FOXK2: variants seen among roughly 807,000 people sequenced by gnomAD.
FOXK2 encodes the protein forkhead box K2, also known as forkhead box protein K2.
A neutral mutation model predicts 53.3 loss-of-function variants in FOXK2; 24 were observed. The observed-to-expected ratio is 0.45, with a 90% CI of 0.33 to 0.63. The LOEUF (loss-of-function observed/expected upper bound fraction) is 0.63. FOXK2 is among the 30% of genes least tolerant of loss of function. The pLI, the probability that FOXK2 is intolerant of heterozygous loss-of-function variation, is 0.03. For missense variants in FOXK2, 952 were observed against 910.5 expected, an observed-to-expected ratio of 1.05 and a Z score of -0.59; for synonymous variants, 505 against 407.1, an observed-to-expected ratio of 1.24 and a Z score of -2.89.
intron 1 of FOXK2, among the ~76,000 whole-genome samples, chr17:82,537,643 G>C (rs973006968): frequency 8.3e-6 from 1 of 120,808 alleles, no homozygotes; most frequent in African/African-American, 3.0e-5. Context: ...AAAAAAAAAA[G>C]GCCAGGCACA....
In FOXK2 at chr17:82,582,740, G is replaced by T; in HGVS notation, c.910-1G>T. The T allele has an allele frequency of 6.4e-7, 1 of 1,563,896 alleles. No homozygotes were observed. Among genetic ancestry groups the T allele is most frequent in the Non-Finnish European group, 8.6e-7 (1 of 1,159,002 alleles). ...TCTACGTATTTTTTTATGTTTCATA[G>T]AATTCAATTCGCCACAATCTCTCTC... On this transcript the variant is annotated splice_acceptor_variant, in intron 4 of 8. Transcript: ENST00000335255. LOFTEE classifies it high-confidence loss of function.
intron 1 of FOXK2, among the ~76,000 whole-genome samples, chr17:82,532,908 T>C (rs2044485921): frequency 6.6e-6 from 1 of 152,228 alleles, no homozygotes; most frequent in African/African-American, 2.4e-5. Context: ...AGCTTTTTTC[T>C]GTTTGTAAAA....
At chr17:82,586,759 G>T (rs897386311) in intron 7 of FOXK2, among the ~76,000 whole-genome samples, 1 of 152,078 alleles carries the variant, frequency 6.6e-6, no homozygotes, top group African/African-American at 2.4e-5. Context: ...AAATCAGCTG[G>T]GCATGGTGGC....
At chr17:82,561,843 C>T (rs933462368) in intron 1 of FOXK2, among the ~76,000 whole-genome samples, 5 of 151,972 alleles carry the variant, frequency 3.3e-5, no homozygotes, top group Admixed American at 6.5e-5. Flanking sequence ...ATGGCGTAGC[C>T]TCCGACCTCC....
At chr17:82,581,878 TAGAA>T (rs1162562872) in intron 4 of FOXK2, among the ~76,000 whole-genome samples, 2 of 152,114 alleles carry the variant, frequency 1.3e-5, no homozygotes, top group Non-Finnish European at 2.9e-5. Context: ...CTTTTTGTAA[TAGAA>T]AGAATGATGC....
chr17:82,568,184 G>A lies in FOXK2; in HGVS notation c.745G>A (p.Gly249Ser), dbSNP rs1263250708. 1 of 1,612,764 alleles carries A rather than the reference G, an allele frequency of 6.2e-7. No individual in the cohort carries two copies. The highest frequency in any genetic ancestry group is 1.3e-5 in the African/African-American group (1 of 74,892). ...GCCTGAAAATGAAAAGGAAGCTTCA[G>A]GTGGAGACAGCCCGAAGGTAAAGGC... ...SQPENEKEAS[G>S]GDSPKDDSKP... Residue 249 changes from glycine to serine, a missense_variant, in exon 3 of 9, where the codon GGT (glycine) becomes AGT (serine). Gly to Ser is a moderately conservative substitution (Grantham distance 56). This residue lies in a region of FOXK2 where 160 missense variants were observed against 214.2 expected (regional missense o/e 0.75). Transcript: ENST00000335255.
intron 5 of FOXK2, among the ~76,000 whole-genome samples, chr17:82,583,236 G>T (rs56287631): frequency 0.015 from 2,231 of 152,326 alleles, 26 homozygotes; most frequent in Non-Finnish European, 0.027. Flanking sequence ...CCTTGGCACA[G>T]GAAAAGTTCT....
chr17:82,592,070 A>C (rs1369195125), intron 8 of FOXK2, among the ~76,000 whole-genome samples: 1 of 152,138 alleles, frequency 6.6e-6, no homozygotes, highest in African/African-American at 2.4e-5. Context: ...CATCCAGCTA[A>C]GTTTTTGTAT....
intron 1 of FOXK2, among the ~76,000 whole-genome samples, chr17:82,536,508 T>C (rs906985567): frequency 6.6e-6 from 1 of 152,242 alleles, no homozygotes; most frequent in African/African-American, 2.4e-5. Context: ...TCCTTCGTTA[T>C]GTAGTCACTG....
intron 2 of FOXK2, among the ~76,000 whole-genome samples, chr17:82,565,794 C>T (rs2044845943): frequency 6.6e-6 from 1 of 152,198 alleles, no homozygotes; most frequent in African/African-American, 2.4e-5. Flanking sequence ...GATCCAGCAA[C>T]CCCACTTCTG....
intron 4 of FOXK2, among the ~76,000 whole-genome samples, chr17:82,581,855 T>C (rs1409364945): frequency 6.6e-6 from 1 of 152,152 alleles, no homozygotes; most frequent in Non-Finnish European, 1.5e-5. Context: ...ACTGAGCCGC[T>C]GCGCCCGTCT....
At chr17:82,544,791 G>A (rs2044607639) in intron 1 of FOXK2, among the ~76,000 whole-genome samples, 1 of 151,972 alleles carries the variant, frequency 6.6e-6, no homozygotes. Flanking sequence ...TGAAGTGCTG[G>A]CGGGTGGCCG....
rs1291994831 is a variant in FOXK2, at chr17:82,563,351, C to T, written c.420-3C>T. 6.2e-7 allele frequency: 1 copy of T among 1,611,154 alleles called. No individual in the cohort carries two copies. Among genetic ancestry groups the T allele is most frequent in the Non-Finnish European group, 8.5e-7 (1 of 1,178,198 alleles). On this transcript the variant is annotated splice_region_variant and splice_polypyrimidine_tract_variant and intron_variant, in intron 1 of 8. Transcript: ENST00000335255. ...GTGCTGATGGTGGGCTTTTCTTTTC[C>T]AGGTGCACATTCAGGTTCCCGAGCA...
At chr17:82,582,975 C>T in intron 5 of FOXK2, 41 bp downstream of exon 5, 4 of 1,383,662 alleles carry the variant, frequency 2.9e-6, no homozygotes, top group Non-Finnish European at 3.9e-6. Context: ...TTCGTGCTTA[C>T]TAAACTTACC....
intron 5 of FOXK2, among the ~76,000 whole-genome samples, chr17:82,583,740 G>A (rs1418884241): frequency 2.0e-5 from 3 of 152,200 alleles, no homozygotes; most frequent in African/African-American, 7.2e-5. Flanking sequence ...CACGGGAGCT[G>A]CTTAGAGAGG....
At position 82,563,341 on chromosome 17, in the gene FOXK2, T is replaced by C. The variant is rs781725364; in HGVS notation, c.420-13T>C. On this transcript the variant is annotated splice_polypyrimidine_tract_variant and intron_variant, in intron 1 of 8. Transcript: ENST00000335255. Reference sequence around the variant, plus strand: ...ACAGCAAAAGGTGCTGATGGTGGGCTTTTCTTTTCCAGGTGCACATTCAGG... The same window carrying C: ...ACAGCAAAAGGTGCTGATGGTGGGCCTTTCTTTTCCAGGTGCACATTCAGG... 6.2e-7 allele frequency: 1 copy of C among 1,607,856 alleles called. No homozygotes were observed. Among genetic ancestry groups the C allele is most frequent in the South Asian group, 1.1e-5 (1 of 90,470 alleles).
intron 1 of FOXK2, among the ~76,000 whole-genome samples, chr17:82,560,452 G>C (rs967959296): frequency 6.6e-6 from 1 of 152,188 alleles, no homozygotes; most frequent in East Asian, 1.9e-4. Context: ...TAAGGGAAGC[G>C]GTCTCACTGT....
chr17:82,573,458 A>G (rs1429065814), intron 4 of FOXK2, among the ~76,000 whole-genome samples: 1 of 152,028 alleles, frequency 6.6e-6, no homozygotes, highest in African/African-American at 2.4e-5. Context: ...GTCTCTTAAC[A>G]TATTGCATGC....
chr17:82,557,382 C>CA (rs1172763855), intron 1 of FOXK2, among the ~76,000 whole-genome samples: 3 of 151,370 alleles, frequency 2.0e-5, no homozygotes, highest in Non-Finnish European at 4.4e-5. Flanking sequence ...CTCACACTGT[C>CA]ACCCAGGCTG....
Sources: gnomAD v4.1 joint callset for allele counts (sites outside exome capture counted in the v4.1 genomes callset) on GRCh38, gnomAD v4.1.1 for gene constraint, gnomAD v4.1.1 regional missense constraint, MANE v1.5 for transcripts, NCBI Gene and HGNC (gene_info 2026-07-23, HGNC 2026-07-21) for gene names.